Variants in APBA1 observed in about 807,000 individuals in gnomAD.
APBA1 encodes the protein amyloid-beta A4 precursor protein-binding family A member 1.
Under a neutral mutation model 86.6 loss-of-function variants are expected in APBA1, and 55 were observed. The observed-to-expected ratio is 0.64, with a 90% CI of 0.51 to 0.80. The LOEUF (loss-of-function observed/expected upper bound fraction) is 0.80. Among genes scored for constraint, APBA1 ranks in the 30% least tolerant of loss-of-function variants. APBA1 has a pLI of 0.00. For missense variants in APBA1, 1,090 were observed against 1,183.0 expected, an observed-to-expected ratio of 0.92 and a Z score of 1.15; for synonymous variants, 511 against 493.9, an observed-to-expected ratio of 1.03 and a Z score of -0.46.
intron 1 of APBA1, among the ~76,000 whole-genome samples, chr9:69,655,346 A>T (rs1823587931): frequency 6.6e-6 from 1 of 152,166 alleles, no homozygotes; most frequent in Admixed American, 6.5e-5. Flanking sequence ...ATTCTCAAAG[A>T]TCTCCCCAAA....
Position 69,431,277 on chromosome 9 carries a change from C to A in APBA1, c.*50G>T, listed in dbSNP as rs1438842379. 1 of 1,463,776 alleles carries A rather than the reference C, an allele frequency of 6.8e-7. No homozygotes were observed. 90.7% of individuals were successfully genotyped at this position (1,463,776 alleles called of 1,614,324 possible). On this transcript the variant is annotated 3_prime_UTR_variant, in exon 13 of 13. Transcript: ENST00000265381. The stretch of plus-strand genomic sequence containing the variant: ...ACACAGGGATGCAGCACGAGAAACA[C>A]AACCACGAAGAGGAGAGTCCTCCAT...
chr9:69,556,772 A>C (rs1392808906), intron 1 of APBA1, among the ~76,000 whole-genome samples: 1 of 152,246 alleles, frequency 6.6e-6, no homozygotes, highest in Non-Finnish European at 1.5e-5. Context: ...AGATTTTAGG[A>C]AACAGACTGA....
chr9:69,536,203 TAG>T (rs1836507406), intron 1 of APBA1, among the ~76,000 whole-genome samples: 1 of 152,134 alleles, frequency 6.6e-6, no homozygotes, highest in African/African-American at 2.4e-5. Flanking sequence ...AACCTCCTCA[TAG>T]ATTATATCCT....
chr9:69,435,834 G>T (rs556415541), intron 11 of APBA1, among the ~76,000 whole-genome samples: 1 of 152,274 alleles, frequency 6.6e-6, no homozygotes, highest in African/African-American at 2.4e-5. Flanking sequence ...TGTTGCCATT[G>T]CTTTTGGTGT....
At chr9:69,584,021 G>A (rs1416411492) in intron 1 of APBA1, among the ~76,000 whole-genome samples, 1 of 152,214 alleles carries the variant, frequency 6.6e-6, no homozygotes, top group Non-Finnish European at 1.5e-5. Flanking sequence ...TTTCTATCAG[G>A]CAACTGAGGA....
At chr9:69,460,309 A>C (rs547897388) in intron 5 of APBA1, among the ~76,000 whole-genome samples, 1 of 152,310 alleles carries the variant, frequency 6.6e-6, no homozygotes, top group South Asian at 2.1e-4. Context: ...CAACTCTGTC[A>C]TCCTGACTGC....
chr9:69,578,947 G>C (rs1405459197), intron 1 of APBA1, among the ~76,000 whole-genome samples: 1 of 152,154 alleles, frequency 6.6e-6, no homozygotes, highest in African/African-American at 2.4e-5. Flanking sequence ...GAAACCTTGG[G>C]TTGTCAAAAA....
At chr9:69,542,163 T>C (rs1836623047) in intron 1 of APBA1, among the ~76,000 whole-genome samples, 1 of 152,192 alleles carries the variant, frequency 6.6e-6, no homozygotes. Flanking sequence ...AGTTCCCATA[T>C]ACATCTCCTC....
chr9:69,528,578 T>G (rs1323540492), intron 1 of APBA1, among the ~76,000 whole-genome samples: 1 of 152,114 alleles, frequency 6.6e-6, no homozygotes, highest in Non-Finnish European at 1.5e-5. Flanking sequence ...ACCTACATAA[T>G]TCATAATTTA....
chr9:69,535,565 G>A (rs1836495393), intron 1 of APBA1, among the ~76,000 whole-genome samples: 1 of 152,124 alleles, frequency 6.6e-6, no homozygotes, highest in Admixed American at 6.5e-5. Context: ...TATTATTTCT[G>A]TGATCGTTGC....
At chr9:69,455,109 C>T (rs1055643093) in intron 8 of APBA1, among the ~76,000 whole-genome samples, 2 of 152,246 alleles carry the variant, frequency 1.3e-5, no homozygotes, top group Admixed American at 6.5e-5. Context: ...ACCTAACTTC[C>T]GAGAGGAAGG....
In APBA1 at chr9:69,449,571, C is replaced by T. The variant is rs1006709394; in HGVS notation, c.2181+13G>A. The stretch of plus-strand genomic sequence containing the variant: ...GTTTACCACATCAACTGATTTTTCC[C>T]ATATTCAGGTACCTTAATAATGCTC... On this transcript the variant is annotated intron_variant, in intron 10 of 12. Coordinates refer to ENST00000265381, the MANE Select transcript of APBA1 (RefSeq NM_001163.4). 3 of 1,609,014 alleles carry T rather than the reference C, an allele frequency of 1.9e-6. No individual in the cohort carries two copies. The Admixed American group carries it at 5.0e-5, about 27-fold the overall frequency.
At chr9:69,653,980 G>A (rs551642575) in intron 1 of APBA1, among the ~76,000 whole-genome samples, 2 of 152,058 alleles carry the variant, frequency 1.3e-5, no homozygotes, top group East Asian at 1.9e-4. Flanking sequence ...CCGGGCGCAT[G>A]CCTGCATGCC....
At chr9:69,513,259 G>T (rs1430023113) in intron 2 of APBA1, among the ~76,000 whole-genome samples, 1 of 152,176 alleles carries the variant, frequency 6.6e-6, no homozygotes, top group South Asian at 2.1e-4. Flanking sequence ...GAATTAAGTT[G>T]TTCTCCTAGT....
intron 1 of APBA1, among the ~76,000 whole-genome samples, chr9:69,542,265 A>G (rs936678554): frequency 6.6e-5 from 10 of 152,232 alleles, no homozygotes; most frequent in Admixed American, 2.6e-4. Context: ...AGACTGGCAC[A>G]TCGTTATAAA....
In APBA1 at chr9:69,656,504, G is replaced by A. The variant is rs115743803; in HGVS notation, c.-70+15649C>T. ...TATGATTCCACGCAGATGAAGTTAA[G>A]AACAGGCAAAACTGCTCTATGGTGA... is the stretch of plus-strand genomic sequence containing the variant. On this transcript the variant is annotated intron_variant, in intron 1 of 12. Transcript: ENST00000265381. 7.8e-3 allele frequency among the ~76,000 whole-genome samples: 1,193 copies of A among 152,296 alleles called. 16 individuals carry two copies. The highest frequency in any genetic ancestry group is 0.027 in the African/African-American group (1,139 of 41,560).
At chr9:69,463,150 T>A (rs1835218458) in intron 5 of APBA1, 1 of 152,228 alleles carries the variant, frequency 6.6e-6, no homozygotes, top group South Asian at 2.1e-4. Context: ...AGATATGTCA[T>A]CTCTTAAATT....
chr9:69,621,724 CACTAAGTGGGT>C (rs1348734297), intron 1 of APBA1, among the ~76,000 whole-genome samples: 16 of 152,040 alleles, frequency 1.1e-4, no homozygotes, highest in Non-Finnish European at 2.1e-4. Flanking sequence ...TGGCACAAGG[CACTAAGTGGGT>C]ATTGGCCATC....
chr9:69,531,609 A>G (rs1046172991), intron 1 of APBA1, among the ~76,000 whole-genome samples: 1 of 152,110 alleles, frequency 6.6e-6, no homozygotes, highest in African/African-American at 2.4e-5. Flanking sequence ...CAGTTGCATG[A>G]CCACAGCTCA....
Sources: gnomAD v4.1 joint callset for allele counts (sites outside exome capture counted in the v4.1 genomes callset) on GRCh38, gnomAD v4.1.1 for gene constraint, MANE v1.5 for transcripts, NCBI Gene and HGNC (gene_info 2026-07-23, HGNC 2026-07-21) for gene names.